ZNF829: variants seen among roughly 807,000 people sequenced by gnomAD.
The protein encoded by ZNF829 is zinc finger protein 829.
In ZNF829, 25 loss-of-function variants were observed where a neutral mutation model predicts 35.2. The observed-to-expected ratio is 0.71, with a 90% CI of 0.52 to 0.99. The LOEUF (loss-of-function observed/expected upper bound fraction) is 0.99, where lower values mean the gene tolerates loss of function less well. ZNF829 is among the 50% of genes least tolerant of loss of function. ZNF829 has a pLI of 0.00. For synonymous variants in ZNF829, 136 were observed against 163.2 expected (o/e 0.83, Z 1.27); for missense variants, 417 against 515.3 (o/e 0.81, Z 1.85).
At chr19:36,893,939 A>G (rs1291768706) in intron 5 of ZNF829, among the ~76,000 whole-genome samples, 1 of 152,138 alleles carries the variant, frequency 6.6e-6, no homozygotes, top group Non-Finnish European at 1.5e-5. Context: ...GAAGACTCCA[A>G]TAATGAGGCT....
intron 5 of ZNF829, among the ~76,000 whole-genome samples, chr19:36,903,433 G>A (rs1054350832): frequency 6.6e-6 from 1 of 152,168 alleles, no homozygotes; most frequent in African/African-American, 2.4e-5. Flanking sequence ...TAAGGAATGT[G>A]GGTGGCTATT....
chr19:36,913,889 A>T (rs1469700219), intron 3 of ZNF829, among the ~76,000 whole-genome samples: 1 of 152,190 alleles, frequency 6.6e-6, no homozygotes, highest in African/African-American at 2.4e-5. Context: ...TCAAGACTGT[A>T]TGATACTGGC....
intron 5 of ZNF829, among the ~76,000 whole-genome samples, chr19:36,898,448 A>G (rs1485440678): frequency 1.3e-5 from 2 of 152,210 alleles, no homozygotes; most frequent in Non-Finnish European, 2.9e-5. Flanking sequence ...ATTCAATGCA[A>G]TCTACAGATT....
Position 36,915,228 on chromosome 19 carries a change from C to G in ZNF829, c.-61G>C. 2 of 1,613,826 alleles carry G rather than the reference C, an allele frequency of 1.2e-6. No homozygotes were observed. The highest frequency in any genetic ancestry group is 1.7e-6 in the Non-Finnish European group (2 of 1,179,918). The stretch of plus-strand genomic sequence containing the variant: ...GTTCACTGCTGTCCAGGGTTGGAAT[C>G]TGACCAGACCTCAGAGAGGTTTCCT... On this transcript the variant is annotated 5_prime_UTR_variant, in exon 2 of 6. Coordinates refer to ENST00000391711, the MANE Select transcript of ZNF829 (RefSeq NM_001037232.4).
At chr19:36,903,905 T>C (rs1271758778) in intron 5 of ZNF829, among the ~76,000 whole-genome samples, 1 of 152,120 alleles carries the variant, frequency 6.6e-6, no homozygotes, top group East Asian at 1.9e-4. Flanking sequence ...AAAAACCAAT[T>C]GTTCCAAAAT....
At chr19:36,911,601 T>G (rs1179379619) in intron 3 of ZNF829, among the ~76,000 whole-genome samples, 1 of 152,094 alleles carries the variant, frequency 6.6e-6, no homozygotes, top group Non-Finnish European at 1.5e-5. Flanking sequence ...AAAAATTTTG[T>G]TTATAAAAGG....
chr19:36,900,847 G>GAAAAAAAAAAA (rs59848712), intron 5 of ZNF829, among the ~76,000 whole-genome samples: 1 of 88,972 alleles, frequency 1.1e-5, no homozygotes. Flanking sequence ...GACTGTCTCA[G>GAAAAAAAAAAA]AAAAAAAAAA....
At chr19:36,901,847 G>T in intron 5 of ZNF829, 1 of 743,350 alleles carries the variant, frequency 1.3e-6, no homozygotes. Flanking sequence ...CATCCATGGA[G>T]TGGGCTTCAA....
In ZNF829 at chr19:36,888,628, G is replaced by C. The variant is rs1174344219; in HGVS notation, c.*2864C>G. ...TTGTGTTACATACACATATAGTGTA[G>C]TGGGGAAAGTGTTGGCTTTTAATGG... is the stretch of plus-strand genomic sequence containing the variant. On this transcript the variant is annotated 3_prime_UTR_variant, in exon 6 of 6. Coordinates refer to ENST00000391711, the MANE Select transcript of ZNF829 (RefSeq NM_001037232.4). The C allele has an allele frequency of 1.3e-5, 2 of 152,190 alleles. No individual in the cohort carries two copies. The highest frequency in any genetic ancestry group is 2.9e-5 in the Non-Finnish European group (2 of 68,038). 9.4% of individuals were successfully genotyped at this position (152,190 alleles called of 1,614,324 possible).
In ZNF829 at chr19:36,892,316, T is replaced by G. The variant is rs746913014; in HGVS notation, c.475A>C (p.Lys159Gln). ...TMSEEKPWEC[K>Q]ICGKTFNQNS... ...TGATTAAAGGTCTTTCCACATATCT[T>G]ACATTCCCATGGTTTCTCTTCACTC... Residue 159 changes from lysine to glutamine, a missense_variant, in exon 6 of 6, where the codon AAG (lysine) becomes CAG (glutamine). Coordinates refer to ENST00000391711, the MANE Select transcript of ZNF829 (RefSeq NM_001037232.4). 2 of 1,613,860 alleles carry G rather than the reference T, an allele frequency of 1.2e-6. No individual in the cohort carries two copies. The highest frequency in any genetic ancestry group is 1.7e-5 in the Admixed American group (1 of 60,018).
chr19:36,915,962 G>T, intron 1 of ZNF829, 49 bp downstream of exon 1: 1 of 1,532,136 alleles, frequency 6.5e-7, no homozygotes, highest in Non-Finnish European at 8.7e-7. Context: ...CATCCCGGAT[G>T]GGAACTTGCA....
intron 3 of ZNF829, among the ~76,000 whole-genome samples, chr19:36,912,015 C>T (rs1017214860): frequency 2.0e-5 from 3 of 152,184 alleles, no homozygotes; most frequent in African/African-American, 4.8e-5. Context: ...AAGAGATCAA[C>T]ACCAAAACAA....
chr19:36,913,885 CTG>C (rs1157892609), intron 3 of ZNF829, among the ~76,000 whole-genome samples: 1 of 152,122 alleles, frequency 6.6e-6, no homozygotes, highest in Non-Finnish European at 1.5e-5. Flanking sequence ...CTAATCAAGA[CTG>C]TATGATACTG....
chr19:36,892,939 G>A, intron 5 of ZNF829: 1 of 760,080 alleles, frequency 1.3e-6, no homozygotes. Flanking sequence ...CCATGGAGGA[G>A]GACAGGCCAG....
chr19:36,904,564 TA>T (rs1413589363), intron 5 of ZNF829, among the ~76,000 whole-genome samples: 1 of 152,086 alleles, frequency 6.6e-6, no homozygotes, highest in African/African-American at 2.4e-5. Context: ...TATGCCCGGT[TA>T]ATTTTTGTAT....
At chr19:36,915,705 C>G in intron 1 of ZNF829, 1 of 704,436 alleles carries the variant, frequency 1.4e-6, no homozygotes, top group Non-Finnish European at 2.4e-6. Flanking sequence ...TCAAGTGATT[C>G]TCCTGCCTCA....
chr19:36,909,535 A>G (rs1199229998), intron 3 of ZNF829, among the ~76,000 whole-genome samples: 2 of 152,232 alleles, frequency 1.3e-5, no homozygotes, highest in East Asian at 3.9e-4. Context: ...TGAGCCGAGC[A>G]TGGTGGCTCA....
At chr19:36,899,862 C>G (rs1469566609) in intron 5 of ZNF829, among the ~76,000 whole-genome samples, 2 of 151,182 alleles carry the variant, frequency 1.3e-5, no homozygotes, top group Non-Finnish European at 2.9e-5. Flanking sequence ...ATGTTGTACA[C>G]CTAGAATTTA....
At chr19:36,895,614 A>G (rs2073104694) in intron 5 of ZNF829, among the ~76,000 whole-genome samples, 1 of 152,200 alleles carries the variant, frequency 6.6e-6, no homozygotes, top group African/African-American at 2.4e-5. Flanking sequence ...ACTGGCTGTG[A>G]GAAACTCACT....
Sources: gnomAD v4.1 joint callset for allele counts (sites outside exome capture counted in the v4.1 genomes callset) on GRCh38, gnomAD v4.1.1 for gene constraint, MANE v1.5 for transcripts, NCBI Gene and HGNC (gene_info 2026-07-23, HGNC 2026-07-21) for gene names.